CAMK2B: variants seen among roughly 807,000 people sequenced by gnomAD.
CAMK2B encodes the protein calcium/calmodulin dependent protein kinase II beta.
In CAMK2B, 27 loss-of-function variants were observed where a neutral mutation model predicts 93.7. The observed-to-expected ratio is 0.29, with a 90% CI of 0.21 to 0.40. The LOEUF is 0.40. Among genes scored for constraint, CAMK2B ranks in the 10% least tolerant of loss-of-function variants. The pLI is 1.00. For missense variants in CAMK2B, 568 were observed against 895.8 expected (o/e 0.63, Z 4.67); for synonymous variants, 374 against 358.8 (o/e 1.04, Z -0.48).
chr7:44,243,658 C>T, intron 6 of CAMK2B, 131 bp from the exon 7 acceptor site: 1 of 694,388 alleles, frequency 1.4e-6, no homozygotes, highest in Non-Finnish European at 2.5e-6. Flanking sequence ...CTGAGCCCTG[C>T]CCCATGGTGT....
intron 2 of CAMK2B, among the ~76,000 whole-genome samples, chr7:44,282,034 C>T (rs1445261686): frequency 6.6e-6 from 1 of 152,226 alleles, no homozygotes; most frequent in Non-Finnish European, 1.5e-5. Flanking sequence ...CTACCATGCT[C>T]CACACATGCA....
chr7:44,253,482 G>A (rs569683344), intron 5 of CAMK2B, among the ~76,000 whole-genome samples: 23 of 152,184 alleles, frequency 1.5e-4, no homozygotes, highest in Non-Finnish European at 2.8e-4. Flanking sequence ...CAAAGTGTTG[G>A]AATTACACGT....
chr7:44,305,948 G>A (rs1184731544), intron 1 of CAMK2B, among the ~76,000 whole-genome samples: 1 of 151,840 alleles, frequency 6.6e-6, no homozygotes, highest in Non-Finnish European at 1.5e-5. Context: ...ACCCACCAGG[G>A]ACCCCACCCC....
chr7:44,280,419 A>C (rs2097093087), intron 2 of CAMK2B, among the ~76,000 whole-genome samples: 1 of 152,110 alleles, frequency 6.6e-6, no homozygotes, highest in Non-Finnish European at 1.5e-5. Flanking sequence ...TGGGAAGTGC[A>C]TGTCAGAGCT....
chr7:44,306,811 G>A (rs970364170), intron 1 of CAMK2B, among the ~76,000 whole-genome samples: 3 of 145,382 alleles, frequency 2.1e-5, no homozygotes, highest in Non-Finnish European at 4.5e-5. Context: ...AGGAGGGTAA[G>A]GGCAGGGGTA....
At chr7:44,246,818 CACAT>C (rs1352056010) in intron 6 of CAMK2B, among the ~76,000 whole-genome samples, 1 of 152,162 alleles carries the variant, frequency 6.6e-6, no homozygotes, top group East Asian at 1.9e-4. Context: ...CACATGCACA[CACAT>C]ACTTCTATGC....
At chr7:44,294,222 A>G (rs1391368176) in intron 1 of CAMK2B, among the ~76,000 whole-genome samples, 3 of 152,168 alleles carry the variant, frequency 2.0e-5, no homozygotes, top group Non-Finnish European at 4.4e-5. Context: ...AAGGGACCAC[A>G]TCAGATGCCC....
chr7:44,271,563 T>A lies in CAMK2B; in HGVS notation c.161-8499A>T, dbSNP rs1163191212. 1.3e-5 allele frequency among the ~76,000 whole-genome samples: 2 copies of A among 152,224 alleles called. No homozygotes were observed. The highest frequency in any genetic ancestry group is 2.9e-5 in the Non-Finnish European group (2 of 68,032). ...TGGGGCAGGCAGAGGCCAGCTCACATCTTGGGGCCAGCACTTGCCAACCTG... is the reference window on the plus strand; with the variant it reads ...TGGGGCAGGCAGAGGCCAGCTCACAACTTGGGGCCAGCACTTGCCAACCTG... On this transcript the variant is annotated intron_variant, in intron 2 of 23. Coordinates refer to ENST00000395749, the MANE Select transcript of CAMK2B (RefSeq NM_001220.5). The surrounding 1 kb of genome is among the most constrained non-coding windows in gnomAD (Gnocchi z 4.2).
chr7:44,227,690 A>G (rs1416314248), intron 19 of CAMK2B, among the ~76,000 whole-genome samples: 1 of 15,534 alleles, frequency 6.4e-5, no homozygotes. Context: ...GGGGGACAGA[A>G]AAGGGCGTGA....
intron 2 of CAMK2B, among the ~76,000 whole-genome samples, chr7:44,276,190 G>A (rs1013301876): frequency 7.2e-5 from 11 of 151,976 alleles, no homozygotes; most frequent in Non-Finnish European, 1.6e-4. Context: ...GGAAAGGGGC[G>A]GGTCTCCAGG....
chr7:44,220,964 A>C, intron 20 of CAMK2B, 63 bp from the exon 21 acceptor site: 26 of 1,375,358 alleles, frequency 1.9e-5, no homozygotes, highest in Non-Finnish European at 2.5e-5. Context: ...ACCCCTCCAC[A>C]CAGCCCAGGG....
Position 44,225,883 on chromosome 7 carries a change from C to T in CAMK2B, c.1597+633G>A. On this transcript the variant is annotated intron_variant, in intron 20 of 23. Transcript: ENST00000395749. This position sits in a 1 kb window ranked among gnomAD's most constrained non-coding sequence, Gnocchi z 5.0. ...GGGGGTGGCAGCAGCCCTGGGATGT[C>T]ATCCATCCCTGTAAGTGATACTGCG... is the stretch of plus-strand genomic sequence containing the variant. 7.0e-6 allele frequency: 9 copies of T among 1,289,246 alleles called. No homozygotes were observed. Among genetic ancestry groups the T allele is most frequent in the Non-Finnish European group, 8.1e-6 (8 of 988,640 alleles). 79.9% of individuals were successfully genotyped at this position (1,289,246 alleles called of 1,614,324 possible). A position where few individuals can be genotyped will look rare whatever the true frequency, so the allele number is the denominator to read the frequency against.
rs946239820 is a variant in CAMK2B at position 44,224,760 on chromosome 7, G to A, written c.1597+1756C>T. ...TGTATAATCCGCGATTAGAGAGCGT[G>A]GGTGGGGAGGAGACGGGGCCTGAGG... On this transcript the variant is annotated intron_variant, in intron 20 of 23. Coordinates refer to ENST00000395749, the MANE Select transcript of CAMK2B (RefSeq NM_001220.5). The surrounding 1 kb of genome is among the most constrained non-coding windows in gnomAD (Gnocchi z 4.4). Among the ~76,000 whole-genome samples, 3 of 152,106 alleles carry A rather than the reference G, an allele frequency of 2.0e-5. No homozygotes were observed. Among genetic ancestry groups the A allele is most frequent in the African/African-American group, 7.2e-5 (3 of 41,416 alleles).
chr7:44,226,689 G>A (rs1042304752), intron 19 of CAMK2B, 45 bp from the exon 20 acceptor site: 57 of 1,494,480 alleles, frequency 3.8e-5, no homozygotes, highest in Non-Finnish European at 5.0e-5. Context: ...AGGCACGGGG[G>A]GCACGCAGGA....
rs1259321994 is a variant in CAMK2B, at chr7:44,225,438, G to A, written c.1597+1078C>T. On this transcript the variant is annotated intron_variant, in intron 20 of 23. Transcript: ENST00000395749. The surrounding 1 kb of genome is among the most constrained non-coding windows in gnomAD (Gnocchi z 5.0). ...TGAGTTCTGGTCGCCCAGGCACCCC[G>A]ACCCTATCAGCATCAAGAACCTGGC... 1.3e-5 allele frequency among the ~76,000 whole-genome samples: 2 copies of A among 151,962 alleles called. No individual in the cohort carries two copies. The highest frequency in any genetic ancestry group is 2.4e-5 in the African/African-American group (1 of 41,362).
intron 3 of CAMK2B, 120 bp from the exon 4 acceptor site, chr7:44,259,046 G>C (rs1040675796): frequency 1.2e-5 from 11 of 883,238 alleles, no homozygotes; most frequent in East Asian, 2.7e-5. Context: ...CCAGAGGATC[G>C]GGCTGGGTAG....
At chr7:44,319,075 G>A (rs937258811) in intron 1 of CAMK2B, among the ~76,000 whole-genome samples, 2 of 152,160 alleles carry the variant, frequency 1.3e-5, no homozygotes, top group South Asian at 2.1e-4. Flanking sequence ...TAAAAACCAA[G>A]TTGATACATA....
In CAMK2B at chr7:44,228,839, CGG is replaced by C; in HGVS notation, c.1423_1424del (p.Pro475AlafsTer20). Reference sequence around the variant, plus strand: ...CTAGGAGAGCCGGAGACAGGCAGGGCGGGGGCCCCGCTGAGAGGGGGCCCTCG... The same window carrying C: ...CTAGGAGAGCCGGAGACAGGCAGGGCGGGCCCCGCTGAGAGGGGGCCCTCG... Reference protein sequence around the residue: ...EAEGPLSAGPPPCLSPALLGP... With the variant: ...EAEGPLSAGPXPCLSPALLGP... On this transcript the variant is annotated frameshift_variant, in exon 19 of 24. Coordinates refer to ENST00000395749, the MANE Select transcript of CAMK2B (RefSeq NM_001220.5). LOFTEE classifies it high-confidence loss of function. 6.7e-7 allele frequency: 1 copy of C among 1,497,646 alleles called. No individual in the cohort carries two copies. The highest frequency in any genetic ancestry group is 8.9e-7 in the Non-Finnish European group (1 of 1,125,782). 92.8% of individuals were successfully genotyped at this position (1,497,646 alleles called of 1,614,324 possible). A position where few individuals can be genotyped will look rare whatever the true frequency, so the allele number is the denominator to read the frequency against.
At chr7:44,283,891 C>T (rs1050568692) in intron 2 of CAMK2B, among the ~76,000 whole-genome samples, 8 of 152,214 alleles carry the variant, frequency 5.3e-5, no homozygotes, top group Admixed American at 2.6e-4. Flanking sequence ...CCTTGGCACC[C>T]CCACCAGCCT....
Sources: gnomAD v4.1 joint callset for allele counts (sites outside exome capture counted in the v4.1 genomes callset) on GRCh38, gnomAD v4.1.1 for gene constraint, Gnocchi (gnomAD v3.1) non-coding constraint, MANE v1.5 for transcripts, NCBI Gene and HGNC (gene_info 2026-07-23, HGNC 2026-07-21) for gene names.